Variants in PARD3 observed in about 807,000 individuals in gnomAD.
PARD3 encodes par-3 family cell polarity regulator, also known as partitioning defective 3 homolog.
PARD3 carries 75 observed loss-of-function variants against 155.4 expected under a neutral mutation model. The ratio of observed to expected loss-of-function variants is 0.48; its 90% CI spans 0.40 to 0.58. The LOEUF is 0.58. Among genes scored for constraint, PARD3 ranks in the 20% least tolerant of loss-of-function variants. The probability of loss-of-function intolerance (pLI) is 0.00; values close to 1 mark genes in which losing one functional copy is unlikely to be tolerated. For missense variants in PARD3, 1,642 were observed against 1,721.7 expected (o/e 0.95, Z 0.82); for synonymous variants, 576 against 610.5 (o/e 0.94, Z 0.83).
chr10:34,442,539 C>T (rs1452387837), intron 5 of PARD3, among the ~76,000 whole-genome samples: 1 of 151,942 alleles, frequency 6.6e-6, no homozygotes, highest in East Asian at 1.9e-4. Flanking sequence ...CCAACCTGGG[C>T]AACATTTAAA....
intron 22 of PARD3, among the ~76,000 whole-genome samples, chr10:34,163,861 T>G (rs973631889): frequency 1.3e-5 from 2 of 152,190 alleles, no homozygotes; most frequent in African/African-American, 4.8e-5. Flanking sequence ...TGAGTAACAT[T>G]AATACTCTGA....
intron 2 of PARD3, among the ~76,000 whole-genome samples, chr10:34,652,740 G>A (rs970947882): frequency 1.3e-5 from 2 of 152,186 alleles, no homozygotes; most frequent in South Asian, 4.1e-4. Flanking sequence ...GAAAAGACAG[G>A]CATGCATATA....
At chr10:34,696,233 CAGAA>C in intron 2 of PARD3, 81 bp downstream of exon 2, 1 of 741,750 alleles carries the variant, frequency 1.3e-6, no homozygotes, top group South Asian at 1.6e-5. Context: ...GTGTCTAAAA[CAGAA>C]AGGAAAAGAA....
At chr10:34,194,308 C>T (rs1950843198) in intron 22 of PARD3, among the ~76,000 whole-genome samples, 1 of 152,152 alleles carries the variant, frequency 6.6e-6, no homozygotes, top group African/African-American at 2.4e-5. Context: ...AAGTTGCCCA[C>T]CCAGAGCAGT....
At chr10:34,674,322 A>C (rs1272604460) in intron 2 of PARD3, among the ~76,000 whole-genome samples, 1 of 152,084 alleles carries the variant, frequency 6.6e-6, no homozygotes, top group Non-Finnish European at 1.5e-5. Context: ...ATTTGCATTA[A>C]TTAAAAGTGG....
At chr10:34,227,530 C>T (rs1320942319) in intron 22 of PARD3, among the ~76,000 whole-genome samples, 2 of 152,094 alleles carry the variant, frequency 1.3e-5, no homozygotes, top group African/African-American at 4.8e-5. Context: ...CCCAGCTACT[C>T]AGGAGGCTGA....
chr10:34,448,498 A>G (rs1335259680), intron 5 of PARD3, among the ~76,000 whole-genome samples: 4 of 152,194 alleles, frequency 2.6e-5, no homozygotes, highest in Non-Finnish European at 5.9e-5. Context: ...AACATATTTT[A>G]TACTTGAAAT....
chr10:34,751,146 T>G (rs867335529), intron 1 of PARD3, among the ~76,000 whole-genome samples: 2 of 152,108 alleles, frequency 1.3e-5, no homozygotes, highest in Non-Finnish European at 2.9e-5. Flanking sequence ...TATCTCCCAT[T>G]AAGTCCATCC....
intron 21 of PARD3, 32 bp from the exon 22 acceptor site, chr10:34,269,931 A>T (rs757292790): frequency 6.2e-7 from 1 of 1,602,180 alleles, no homozygotes; most frequent in Admixed American, 1.7e-5. Context: ...GAAATAAGAG[A>T]AACCTTTCCT....
intron 2 of PARD3, among the ~76,000 whole-genome samples, chr10:34,539,270 CTT>C (rs1350402010): frequency 6.6e-6 from 1 of 152,150 alleles, no homozygotes; most frequent in Non-Finnish European, 1.5e-5. Context: ...CATGAGGACT[CTT>C]AAGTTTTCAG....
At chr10:34,240,265 C>T (rs1484502579) in intron 22 of PARD3, among the ~76,000 whole-genome samples, 2 of 152,154 alleles carry the variant, frequency 1.3e-5, no homozygotes, top group African/African-American at 4.8e-5. Context: ...GGTAAGAGGG[C>T]ACATTACTAA....
chr10:34,602,623 A>G (rs2089889987), intron 2 of PARD3, among the ~76,000 whole-genome samples: 1 of 151,730 alleles, frequency 6.6e-6, no homozygotes, highest in African/African-American at 2.4e-5. Flanking sequence ...ACTCAACAAC[A>G]CAGATGAATC....
intron 3 of PARD3, among the ~76,000 whole-genome samples, chr10:34,501,318 C>T (rs1344806635): frequency 1.3e-5 from 2 of 152,044 alleles, no homozygotes; most frequent in African/African-American, 4.8e-5. Flanking sequence ...TGTGGCACCC[C>T]CCTCTGCCCG....
At chr10:34,348,691 A>T (rs527420178) in intron 14 of PARD3, among the ~76,000 whole-genome samples, 1 of 152,316 alleles carries the variant, frequency 6.6e-6, no homozygotes, top group Non-Finnish European at 1.5e-5. Flanking sequence ...AAGAATAATC[A>T]TGGTATTATC....
chr10:34,540,461 T>C (rs1436780824), intron 2 of PARD3, among the ~76,000 whole-genome samples: 1 of 152,152 alleles, frequency 6.6e-6, no homozygotes, highest in African/African-American at 2.4e-5. Flanking sequence ...GTATACAATG[T>C]TTCCTTTACT....
At chr10:34,798,887 G>A (rs1330696045) in intron 1 of PARD3, among the ~76,000 whole-genome samples, 1 of 151,986 alleles carries the variant, frequency 6.6e-6, no homozygotes, top group African/African-American at 2.4e-5. Flanking sequence ...GGTTGGCCTG[G>A]GCCAGGAGTC....
At chr10:34,678,741 G>GA (rs1192755039) in intron 2 of PARD3, among the ~76,000 whole-genome samples, 13 of 151,714 alleles carry the variant, frequency 8.6e-5, no homozygotes, top group African/African-American at 3.1e-4. Context: ...AATTAATCAG[G>GA]AAACTTTTTC....
intron 2 of PARD3, among the ~76,000 whole-genome samples, chr10:34,620,955 C>T (rs1398253042): frequency 2.0e-5 from 3 of 152,220 alleles, no homozygotes; most frequent in Non-Finnish European, 4.4e-5. Flanking sequence ...TTCCCTGGCA[C>T]TTAACTAAGC....
chr10:34,197,207 C>A (rs146216131), intron 22 of PARD3, among the ~76,000 whole-genome samples: 2 of 152,268 alleles, frequency 1.3e-5, no homozygotes, highest in African/African-American at 4.8e-5. Flanking sequence ...TCACAGTGAC[C>A]AAATACCAGC....
Sources: gnomAD v4.1 joint callset for allele counts (sites outside exome capture counted in the v4.1 genomes callset) on GRCh38, gnomAD v4.1.1 for gene constraint, MANE v1.5 for transcripts, NCBI Gene and HGNC (gene_info 2026-07-23, HGNC 2026-07-21) for gene names.